Variants in AGBL1 observed in about 807,000 individuals in gnomAD.
The protein encoded by AGBL1 is AGBL carboxypeptidase 1, also known as cytosolic carboxypeptidase 4.
Under a neutral mutation model 118.9 loss-of-function variants are expected in AGBL1, and 130 were observed. The observed-to-expected ratio is 1.09, with a 90% CI of 0.95 to 1.26. AGBL1 has a LOEUF of 1.26. Ranked by LOEUF, AGBL1 falls within the 50% of genes most tolerant of loss-of-function variation. AGBL1 has a pLI of 0.00. For missense variants in AGBL1, 1,584 were observed against 1,298.1 expected (o/e 1.22, Z -3.38); for synonymous variants, 555 against 478.9 (o/e 1.16, Z -2.08).
chr15:86,125,821 C>T (rs995594469), intron 1 of AGBL1, among the ~76,000 whole-genome samples: 2 of 152,186 alleles, frequency 1.3e-5, no homozygotes, highest in African/African-American at 4.8e-5. Context: ...TTCCGGAAAA[C>T]AGGCATGAAA....
At chr15:86,250,437 A>G (rs1349531321) in intron 7 of AGBL1, among the ~76,000 whole-genome samples, 1 of 149,200 alleles carries the variant, frequency 6.7e-6, no homozygotes, top group Non-Finnish European at 1.5e-5. Context: ...GAGACAGAAG[A>G]ATTGCTTGAA....
intron 22 of AGBL1, among the ~76,000 whole-genome samples, chr15:86,704,698 T>A (rs1314100707): frequency 6.6e-6 from 1 of 152,172 alleles, no homozygotes; most frequent in Non-Finnish European, 1.5e-5. Flanking sequence ...TGTAAATTAG[T>A]TCAACCATTG....
chr15:86,379,867 C>G (rs2081088575), intron 17 of AGBL1, among the ~76,000 whole-genome samples: 1 of 152,180 alleles, frequency 6.6e-6, no homozygotes, highest in African/African-American at 2.4e-5. Flanking sequence ...GTAGCTGTGT[C>G]TCACTTAAAA....
At chr15:86,442,470 G>T (rs1375355263) in intron 18 of AGBL1, among the ~76,000 whole-genome samples, 7 of 152,160 alleles carry the variant, frequency 4.6e-5, no homozygotes, top group Non-Finnish European at 8.8e-5. Flanking sequence ...ATTTCATTGG[G>T]AATGTCAACC....
intron 18 of AGBL1, among the ~76,000 whole-genome samples, chr15:86,474,113 A>G (rs903018377): frequency 2.6e-5 from 4 of 152,208 alleles, no homozygotes; most frequent in African/African-American, 9.6e-5. Context: ...AGATGGCCAA[A>G]TAGGAATAGC....
In AGBL1 at chr15:87,019,882, T is replaced by C. The variant is rs928044519; in HGVS notation, c.3324-8943T>C. On this transcript the variant is annotated intron_variant, in intron 24 of 24. Coordinates refer to the AGBL1 transcript ENST00000441037. ...ATAGATATACCACTAGTTAGACTAA[T>C]AAAGAAGAAAGAAGAATCAAAGAAA... Among the ~76,000 whole-genome samples the C allele has an allele frequency of 4.0e-5, 6 of 151,708 alleles. No individual in the cohort carries two copies. In the East Asian group the frequency reaches 1.2e-3, roughly 29 times the overall value.
At chr15:86,659,147 A>C (rs1001356417) in intron 21 of AGBL1, among the ~76,000 whole-genome samples, 3 of 151,992 alleles carry the variant, frequency 2.0e-5, no homozygotes, top group Non-Finnish European at 4.4e-5. Flanking sequence ...AGATTTCTAG[A>C]TTCTTGATCT....
Position 86,843,219 on chromosome 15 carries a change from G to A in AGBL1, c.3159-63868G>A, listed in dbSNP as rs2079269986. On this transcript the variant is annotated intron_variant, in intron 22 of 22. Coordinates refer to ENST00000614907, the MANE Select transcript of AGBL1 (RefSeq NM_001386094.1). Reference sequence around the variant, plus strand: ...CTTCTCACAAGGATCTTCAAAGGATGAGCACATTGGATCAGCAAGACTTCA... The same window carrying A: ...CTTCTCACAAGGATCTTCAAAGGATAAGCACATTGGATCAGCAAGACTTCA... 2.0e-5 allele frequency among the ~76,000 whole-genome samples: 3 copies of A among 152,158 alleles called. No homozygotes were observed. In the South Asian group the frequency reaches 6.2e-4, roughly 32 times the overall value.
chr15:86,672,073 A>G lies in AGBL1; in HGVS notation c.2995-2200A>G, dbSNP rs546851811. Among the ~76,000 whole-genome samples the G allele has an allele frequency of 7.2e-5, 11 of 152,292 alleles. 1 individual carries two copies. The highest frequency in any genetic ancestry group is 2.6e-4 in the African/African-American group (11 of 41,564). ...GGTGACAGAGCAAGACCCTTTTTCT[A>G]AAACAAAACAAAAACAACTCTCAAA... On this transcript the variant is annotated intron_variant, in intron 21 of 22. Transcript: ENST00000614907.
At chr15:86,531,987 A>T (rs1043976496) in intron 19 of AGBL1, among the ~76,000 whole-genome samples, 2 of 151,700 alleles carry the variant, frequency 1.3e-5, no homozygotes, top group African/African-American at 2.4e-5. Flanking sequence ...ATCTATGACA[A>T]ACCCACAGCC....
intron 21 of AGBL1, among the ~76,000 whole-genome samples, chr15:86,618,265 A>G (rs2084757934): frequency 6.6e-6 from 1 of 152,178 alleles, no homozygotes; most frequent in African/African-American, 2.4e-5. Context: ...TTTAAGAATT[A>G]CTAACTTCTT....
At chr15:86,137,369 A>G (rs2076902926) in intron 1 of AGBL1, among the ~76,000 whole-genome samples, 1 of 152,200 alleles carries the variant, frequency 6.6e-6, no homozygotes. Context: ...AGACCACAGT[A>G]CTTGGGAAGA....
intron 17 of AGBL1, among the ~76,000 whole-genome samples, chr15:86,311,639 C>CAGAA (rs886299270): frequency 1.3e-5 from 2 of 152,060 alleles, no homozygotes; most frequent in Non-Finnish European, 2.9e-5. Flanking sequence ...CGAATATCAA[C>CAGAA]AGAAGAGTGT....
At position 86,756,236 on chromosome 15, in the gene AGBL1, C is replaced by T. The variant is rs189649317; in HGVS notation, c.3158+81800C>T. On this transcript the variant is annotated intron_variant, in intron 22 of 22. Coordinates refer to ENST00000614907, the MANE Select transcript of AGBL1 (RefSeq NM_001386094.1). ...AGTCCCCATGAAATTCCAGTAGTGCCCCCGCCCCCACCAAAAAAAGAAAAA... is the reference window on the plus strand; with the variant it reads ...AGTCCCCATGAAATTCCAGTAGTGCTCCCGCCCCCACCAAAAAAAGAAAAA... 1.2e-3 allele frequency among the ~76,000 whole-genome samples: 181 copies of T among 151,040 alleles called. 1 individual carries two copies. Among genetic ancestry groups the T allele is most frequent in the Non-Finnish European group, 2.1e-3 (140 of 67,964 alleles).
intron 1 of AGBL1, among the ~76,000 whole-genome samples, chr15:86,108,734 G>A (rs564399156): frequency 5.3e-5 from 8 of 152,246 alleles, no homozygotes; most frequent in East Asian, 3.9e-4. Context: ...CGAGACGGGC[G>A]GATCACGAGG....
At chr15:86,355,318 CATATT>C (rs1291241774) in intron 17 of AGBL1, among the ~76,000 whole-genome samples, 2 of 152,132 alleles carry the variant, frequency 1.3e-5, no homozygotes, top group Admixed American at 6.6e-5. Flanking sequence ...CACCATATAA[CATATT>C]AGAGTAAATA....
At chr15:86,365,749 A>G (rs989986441) in intron 17 of AGBL1, among the ~76,000 whole-genome samples, 3 of 152,042 alleles carry the variant, frequency 2.0e-5, no homozygotes, top group Admixed American at 1.3e-4. Context: ...TTGGTGTGTG[A>G]TGAATACATT....
At chr15:86,596,060 A>G (rs1466737122) in intron 21 of AGBL1, among the ~76,000 whole-genome samples, 1 of 152,124 alleles carries the variant, frequency 6.6e-6, no homozygotes, top group Non-Finnish European at 1.5e-5. Flanking sequence ...GCACTCTGGG[A>G]AGCTGATGCA....
chr15:86,662,124 C>G (rs576316011), intron 21 of AGBL1, among the ~76,000 whole-genome samples: 1 of 152,128 alleles, frequency 6.6e-6, no homozygotes, highest in Non-Finnish European at 1.5e-5. Context: ...AAGATTTCAG[C>G]TGGAAAAAGA....
Sources: gnomAD v4.1 joint callset for allele counts (sites outside exome capture counted in the v4.1 genomes callset) on GRCh38, gnomAD v4.1.1 for gene constraint, MANE v1.5 for transcripts, NCBI Gene and HGNC (gene_info 2026-07-23, HGNC 2026-07-21) for gene names.